Variants in SMYD3 observed in about 807,000 individuals in gnomAD.
SMYD3 encodes SET and MYND domain containing 3.
A neutral mutation model predicts 57.7 loss-of-function variants in SMYD3; 36 were observed. The ratio of observed to expected loss-of-function variants is 0.62; its 90% confidence interval spans 0.48 to 0.82. The LOEUF (loss-of-function observed/expected upper bound fraction) is 0.82, where lower values mean the gene tolerates loss of function less well. Among genes scored for constraint, SMYD3 ranks in the 40% least tolerant of loss-of-function variants. The pLI, the probability that SMYD3 is intolerant of heterozygous loss-of-function variation, is 0.00. For synonymous variants in SMYD3, 211 were observed against 195.0 expected, an observed-to-expected ratio of 1.08 and a Z score of -0.68; for missense variants, 515 against 538.8, an observed-to-expected ratio of 0.96 and a Z score of 0.44.
At chr1:246,227,062 A>C (rs1420334011) in intron 5 of SMYD3, among the ~76,000 whole-genome samples, 1 of 152,214 alleles carries the variant, frequency 6.6e-6, no homozygotes, top group East Asian at 1.9e-4. Flanking sequence ...TCTAAACCTC[A>C]ACATTTCAAA....
chr1:246,196,374 C>T (rs6664781), intron 5 of SMYD3, among the ~76,000 whole-genome samples: 50,603 of 151,940 alleles, frequency 0.33, 10,333 homozygotes, highest in East Asian at 0.58. Context: ...CAATTGCTGA[C>T]GTATTTGCAT....
chr1:246,398,348 G>C (rs1384918475), intron 1 of SMYD3, among the ~76,000 whole-genome samples: 1 of 152,230 alleles, frequency 6.6e-6, no homozygotes, highest in African/African-American at 2.4e-5. Flanking sequence ...GGTTAGTTTG[G>C]CCCACGCCCA....
At chr1:246,329,130 G>A (rs10754509) in intron 4 of SMYD3, among the ~76,000 whole-genome samples, 98,755 of 151,884 alleles carry the variant, frequency 0.65, 32,806 homozygotes, top group Middle Eastern at 0.76. Flanking sequence ...TTGCTATTGT[G>A]AATAGTGCCA....
intron 1 of SMYD3, among the ~76,000 whole-genome samples, chr1:246,425,636 A>G (rs1270037533): frequency 6.6e-6 from 1 of 152,196 alleles, no homozygotes; most frequent in Non-Finnish European, 1.5e-5. Context: ...GTAGCTTCAC[A>G]AAAGTACCCA....
chr1:246,027,199 GT>G (rs2059590934), intron 5 of SMYD3, among the ~76,000 whole-genome samples: 1 of 152,168 alleles, frequency 6.6e-6, no homozygotes, highest in Non-Finnish European at 1.5e-5. Flanking sequence ...GGTTCATGAG[GT>G]TTAAGGAAAG....
chr1:245,804,260 T>C (rs2048027639), intron 10 of SMYD3, among the ~76,000 whole-genome samples: 1 of 152,116 alleles, frequency 6.6e-6, no homozygotes. Context: ...ACACACACAA[T>C]AGCACTCACT....
intron 5 of SMYD3, among the ~76,000 whole-genome samples, chr1:245,948,415 G>A (rs2057499361): frequency 1.3e-5 from 2 of 152,148 alleles, no homozygotes; most frequent in Non-Finnish European, 2.9e-5. Flanking sequence ...GAGAGAGTAA[G>A]TGAGAGATGC....
chr1:246,284,707 C>T (rs774664826), intron 5 of SMYD3, among the ~76,000 whole-genome samples: 11 of 152,088 alleles, frequency 7.2e-5, no homozygotes, highest in African/African-American at 1.2e-4. Flanking sequence ...TGAGCCACCG[C>T]GCCCAGCCTC....
chr1:246,245,058 C>A (rs1770004), intron 5 of SMYD3, among the ~76,000 whole-genome samples: 2 of 150,894 alleles, frequency 1.3e-5, no homozygotes, highest in African/African-American at 4.9e-5. Context: ...AATTCCACTA[C>A]GGCTAAATAG....
chr1:246,213,674 C>T, intron 5 of SMYD3, among the ~76,000 whole-genome samples: 1 of 152,248 alleles, frequency 6.6e-6, no homozygotes, highest in East Asian at 1.9e-4. Context: ...AAAACCAGTC[C>T]CACTCTGATG....
chr1:246,413,343 G>A (rs771621985), intron 1 of SMYD3, among the ~76,000 whole-genome samples: 4 of 152,024 alleles, frequency 2.6e-5, no homozygotes, highest in South Asian at 2.1e-4. Context: ...ATCATTAGGC[G>A]GCACTCTCGG....
chr1:245,918,527 T>A (rs1362734589), intron 7 of SMYD3, among the ~76,000 whole-genome samples: 1 of 152,224 alleles, frequency 6.6e-6, no homozygotes, highest in African/African-American at 2.4e-5. Context: ...CATGTTTCTC[T>A]TGCTTCATGA....
chr1:246,242,004 C>T (rs746720012), intron 5 of SMYD3, among the ~76,000 whole-genome samples: 9 of 152,002 alleles, frequency 5.9e-5, no homozygotes, highest in South Asian at 2.1e-4. Context: ...GTCTTGCTAG[C>T]GGTCTATCAA....
intron 5 of SMYD3, among the ~76,000 whole-genome samples, chr1:246,273,161 T>TG (rs754308521): frequency 0.086 from 11,173 of 130,176 alleles, 497 homozygotes; most frequent in East Asian, 0.14. Context: ...TTCTTTTTTT[T>TG]GGGGGGGGGA....
At chr1:245,921,290 G>A (rs1193866358) in intron 7 of SMYD3, among the ~76,000 whole-genome samples, 4 of 152,146 alleles carry the variant, frequency 2.6e-5, no homozygotes, top group Admixed American at 2.0e-4. Flanking sequence ...AAATGTTGGT[G>A]AAGCTGTGGA....
chr1:246,106,723 C>A (rs1274814324), intron 5 of SMYD3, among the ~76,000 whole-genome samples: 1 of 152,156 alleles, frequency 6.6e-6, no homozygotes, highest in African/African-American at 2.4e-5. Flanking sequence ...AGTCTCTGAC[C>A]TTCCCTCTTC....
intron 5 of SMYD3, among the ~76,000 whole-genome samples, chr1:246,022,365 G>C (rs1416953733): frequency 6.6e-6 from 1 of 152,152 alleles, no homozygotes; most frequent in Non-Finnish European, 1.5e-5. Flanking sequence ...ATCAATAGGA[G>C]ATTGAGTATG....
At chr1:246,474,380 G>A (rs546757247) in intron 1 of SMYD3, among the ~76,000 whole-genome samples, 1 of 152,002 alleles carries the variant, frequency 6.6e-6, no homozygotes, top group African/African-American at 2.4e-5. Flanking sequence ...TTAGCTGGGC[G>A]TGGTGGCACG....
At chr1:246,100,273 C>T (rs961534589) in intron 5 of SMYD3, among the ~76,000 whole-genome samples, 2 of 152,290 alleles carry the variant, frequency 1.3e-5, no homozygotes, top group South Asian at 2.1e-4. Flanking sequence ...AAATAGACTG[C>T]AGAAATGATG....
Sources: gnomAD v4.1 joint callset for allele counts (sites outside exome capture counted in the v4.1 genomes callset) on GRCh38, gnomAD v4.1.1 for gene constraint, MANE v1.5 for transcripts, NCBI Gene and HGNC (gene_info 2026-07-23, HGNC 2026-07-21) for gene names.